STX8: variants seen among roughly 807,000 people sequenced by gnomAD.
The protein encoded by STX8 is syntaxin-8.
STX8 carries 23 observed loss-of-function variants against 37.5 expected under a neutral mutation model. The ratio of observed to expected loss-of-function variants is 0.61; its 90% CI spans 0.44 to 0.87. The LOEUF is 0.87. STX8 is among the 40% of genes least tolerant of loss of function. The pLI is 0.00. For missense variants in STX8, 313 were observed against 284.7 expected, an observed-to-expected ratio of 1.10 and a Z score of -0.71; for synonymous variants, 115 against 99.1, an observed-to-expected ratio of 1.16 and a Z score of -0.95.
chr17:9,285,057 T>A (rs911670275), intron 7 of STX8, among the ~76,000 whole-genome samples: 1 of 152,156 alleles, frequency 6.6e-6, no homozygotes, highest in East Asian at 1.9e-4. Flanking sequence ...CTGGAGATTC[T>A]GATTCAGCGG....
chr17:9,405,954 C>T (rs1912787011), intron 6 of STX8, among the ~76,000 whole-genome samples: 1 of 152,204 alleles, frequency 6.6e-6, no homozygotes. Context: ...TCTCAGATCA[C>T]ATTAGCGTGT....
At chr17:9,384,126 A>ATT (rs11288399) in intron 6 of STX8, among the ~76,000 whole-genome samples, 40 of 139,580 alleles carry the variant, frequency 2.9e-4, no homozygotes, top group Non-Finnish European at 5.1e-4. Flanking sequence ...CTCATTTGTT[A>ATT]TTTTTTTTTT....
At chr17:9,273,595 G>A (rs558912598) in intron 7 of STX8, among the ~76,000 whole-genome samples, 2 of 152,210 alleles carry the variant, frequency 1.3e-5, no homozygotes, top group Non-Finnish European at 2.9e-5. Flanking sequence ...AGTAGAGCTC[G>A]TCCCACATCC....
intron 7 of STX8, among the ~76,000 whole-genome samples, chr17:9,262,650 C>T (rs1032443499): frequency 3.3e-5 from 5 of 151,808 alleles, no homozygotes; most frequent in South Asian, 2.1e-4. Context: ...GGCGAGATCT[C>T]GGCTCACTGC....
At chr17:9,504,657 A>T (rs1324729355) in intron 5 of STX8, among the ~76,000 whole-genome samples, 3 of 151,850 alleles carry the variant, frequency 2.0e-5, no homozygotes, top group African/African-American at 7.3e-5. Flanking sequence ...TTCAATGGGG[A>T]TGAGGAACAA....
intron 6 of STX8, among the ~76,000 whole-genome samples, chr17:9,423,594 G>T (rs1439794235): frequency 1.3e-5 from 2 of 152,170 alleles, no homozygotes; most frequent in Non-Finnish European, 2.9e-5. Flanking sequence ...AAAGTGCTGG[G>T]ATTACAGGTG....
intron 2 of STX8, among the ~76,000 whole-genome samples, chr17:9,565,166 C>T (rs904126142): frequency 6.6e-6 from 1 of 152,130 alleles, no homozygotes; most frequent in African/African-American, 2.4e-5. Context: ...CAGGATCGTG[C>T]CACTGCACTC....
At chr17:9,335,893 C>G (rs1411372552) in intron 7 of STX8, among the ~76,000 whole-genome samples, 1 of 151,538 alleles carries the variant, frequency 6.6e-6, no homozygotes, top group Non-Finnish European at 1.5e-5. Flanking sequence ...ATACCTAAAG[C>G]TATACATAAA....
chr17:9,258,113 T>C (rs1906871254), intron 7 of STX8, among the ~76,000 whole-genome samples: 1 of 152,260 alleles, frequency 6.6e-6, no homozygotes, highest in East Asian at 1.9e-4. Flanking sequence ...AGGACACTTC[T>C]TAGGGACAAT....
intron 7 of STX8, among the ~76,000 whole-genome samples, chr17:9,299,412 T>C (rs143624288): frequency 4.6e-5 from 7 of 150,648 alleles, no homozygotes; most frequent in Middle Eastern, 7.1e-3. Flanking sequence ...AAAGAGGGGA[T>C]TGCCTGCGTC....
At chr17:9,439,149 C>T (rs1197706526) in intron 6 of STX8, among the ~76,000 whole-genome samples, 3 of 152,074 alleles carry the variant, frequency 2.0e-5, no homozygotes, top group Non-Finnish European at 4.4e-5. Flanking sequence ...CCATAGCTTG[C>T]TGATCCTAGC....
chr17:9,275,538 G>A (rs1907641262), intron 7 of STX8, among the ~76,000 whole-genome samples: 1 of 152,284 alleles, frequency 6.6e-6, no homozygotes, highest in Non-Finnish European at 1.5e-5. Flanking sequence ...GTGTGATCAT[G>A]AGCCAGCCAT....
At chr17:9,563,103 A>G (rs1743107345) in intron 2 of STX8, among the ~76,000 whole-genome samples, 1 of 152,170 alleles carries the variant, frequency 6.6e-6, no homozygotes, top group African/African-American at 2.4e-5. Context: ...TATATTATTA[A>G]GTGAAAAGAC....
chr17:9,394,950 G>A (rs992874089), intron 6 of STX8, among the ~76,000 whole-genome samples: 67 of 125,208 alleles, frequency 5.4e-4, no homozygotes, highest in Admixed American at 3.2e-3. Context: ...AGTGGCGGGC[G>A]CCGTAATCCC....
At chr17:9,435,032 C>A (rs962642347) in intron 6 of STX8, among the ~76,000 whole-genome samples, 2 of 152,112 alleles carry the variant, frequency 1.3e-5, no homozygotes, top group East Asian at 1.9e-4. Context: ...CTTCACTGCA[C>A]GCCCTGTTTT....
intron 7 of STX8, among the ~76,000 whole-genome samples, chr17:9,335,964 A>G (rs1166873813): frequency 6.6e-6 from 1 of 152,300 alleles, no homozygotes; most frequent in African/African-American, 2.4e-5. Context: ...TCTTGAGACA[A>G]AACTGCTCTG....
At chr17:9,502,743 T>C (rs1180543097) in intron 5 of STX8, among the ~76,000 whole-genome samples, 1 of 152,046 alleles carries the variant, frequency 6.6e-6, no homozygotes, top group African/African-American at 2.4e-5. Context: ...CAAATATTAA[T>C]CAACAGGTGA....
intron 4 of STX8, among the ~76,000 whole-genome samples, chr17:9,521,589 TTCCATCCA>T (rs962306934): frequency 1.3e-5 from 2 of 152,278 alleles, no homozygotes; most frequent in African/African-American, 4.8e-5. Flanking sequence ...CCATCCACCC[TTCCATCCA>T]TCCATCCATC....
At chr17:9,355,948 A>T (rs1243672446) in intron 7 of STX8, among the ~76,000 whole-genome samples, 3 of 152,168 alleles carry the variant, frequency 2.0e-5, no homozygotes, top group African/African-American at 4.8e-5. Flanking sequence ...CACCAGGCCC[A>T]GCCCATCTCT....
Sources: allele counts gnomAD v4.1 joint callset (sites outside exome capture counted in the v4.1 genomes callset), GRCh38; gene constraint gnomAD v4.1.1; transcripts MANE v1.5; gene names NCBI Gene and HGNC (gene_info 2026-07-23, HGNC 2026-07-21).